The following MND1 variants were observed in gnomAD, a reference collection of about 807,000 sequenced individuals.
MND1 encodes meiotic nuclear divisions 1.
In MND1, 28 loss-of-function variants were observed where a neutral mutation model predicts 35.1. The observed-to-expected ratio is 0.80, with a 90% CI of 0.59 to 1.09. MND1 has a LOEUF of 1.09. Ranked by LOEUF, MND1 falls within the 50% of genes least tolerant of loss-of-function variation. MND1 has a pLI of 0.00. For synonymous variants in MND1, 69 were observed against 70.5 expected (o/e 0.98, Z 0.11); for missense variants, 213 against 239.6 (o/e 0.89, Z 0.73).
At chr4:153,370,732 C>G (rs1435517360) in intron 4 of MND1, among the ~76,000 whole-genome samples, 1 of 151,984 alleles carries the variant, frequency 6.6e-6, no homozygotes, top group Non-Finnish European at 1.5e-5. Context: ...GTTGGCCAGG[C>G]TGGCCTTGAA....
Position 153,408,958 on chromosome 4 carries a change from A to ATATAT in MND1, c.467-13_467-12insTATAT. ...TAAATACATTTCATTTTATATATAT[A>ATATAT]ATTTTTTTTCAGGCCAAGCAAATAA... On this transcript the variant is annotated splice_polypyrimidine_tract_variant and intron_variant, in intron 6 of 7. Transcript: ENST00000240488. The ATATAT allele has an allele frequency of 1.3e-5, 15 of 1,192,046 alleles. No homozygotes were observed. Among genetic ancestry groups the ATATAT allele is most frequent in the Non-Finnish European group, 1.6e-5 (15 of 922,204 alleles). The allele number at this position is 1,192,046 out of a possible 1,614,324, so 73.8% of individuals were successfully genotyped here.
At chr4:153,356,561 A>AG (rs1237439266) in intron 3 of MND1, among the ~76,000 whole-genome samples, 8 of 146,374 alleles carry the variant, frequency 5.5e-5, no homozygotes, top group African/African-American at 8.0e-5. Context: ...TCAAAAAAAA[A>AG]AAAAAAAAAA....
At chr4:153,390,474 C>G (rs1277979456) in intron 4 of MND1, among the ~76,000 whole-genome samples, 1 of 152,114 alleles carries the variant, frequency 6.6e-6, no homozygotes, top group Non-Finnish European at 1.5e-5. Context: ...TGAATGAGCT[C>G]TCTTTCAAAT....
In MND1 at chr4:153,394,321, T is replaced by C. The variant is rs1219759646; in HGVS notation, c.336T>C (p.Ile112=). 2 of 1,612,174 alleles carry C rather than the reference T, an allele frequency of 1.2e-6. No individual in the cohort carries two copies. Among genetic ancestry groups the C allele is most frequent in the East Asian group, 2.2e-5 (1 of 44,806 alleles). Residue 112 remains isoleucine (I), a synonymous_variant, in exon 5 of 8, where the codon ATT becomes ATC. Coordinates refer to ENST00000240488, the MANE Select transcript of MND1 (RefSeq NM_032117.4). ...AGAAAAGCATTGAGAAAGCTAAAAT[T>C]GGCCGATGTGAAACGGTAAGTTTGT... ...SLQKSIEKAK[I]GRCETEERTR...
In MND1 at chr4:153,398,351, G is replaced by C. The variant is rs147444251; in HGVS notation, c.466+1018G>C. On this transcript the variant is annotated intron_variant, in intron 6 of 7. Transcript: ENST00000240488. The stretch of plus-strand genomic sequence containing the variant: ...CTGATATTATAGTGTGTGATAGAAG[G>C]CTTTGAAAGAAATGGAAAATATTTG... Among the ~76,000 whole-genome samples the C allele has an allele frequency of 6.6e-3, 999 of 152,264 alleles. 9 individuals carry two copies. Among genetic ancestry groups the C allele is most frequent in the African/African-American group, 0.023 (948 of 41,564 alleles).
chr4:153,415,039 A>G lies in MND1; in HGVS notation c.*182A>G, dbSNP rs926593722. 4 of 374,204 alleles carry G rather than the reference A, an allele frequency of 1.1e-5. No homozygotes were observed. Among genetic ancestry groups the G allele is most frequent in the African/African-American group, 8.4e-5 (4 of 47,748 alleles). The allele number at this position is 374,204 out of a possible 1,614,324, so 23.2% of individuals were successfully genotyped here. On this transcript the variant is annotated 3_prime_UTR_variant, in exon 8 of 8. Transcript: ENST00000240488. ...TTGGTAGAACAAAAGCAGGATGATA[A>G]CCATATCCCCCCAGTGCTCATCAAA...
chr4:153,377,766 CT>C (rs1728552051), intron 4 of MND1, among the ~76,000 whole-genome samples: 1 of 152,164 alleles, frequency 6.6e-6, no homozygotes, highest in South Asian at 2.1e-4. Context: ...GGAGTAGACT[CT>C]AGACCTAGAC....
chr4:153,405,878 C>T (rs1277095570), intron 6 of MND1, among the ~76,000 whole-genome samples: 3 of 152,120 alleles, frequency 2.0e-5, no homozygotes, highest in African/African-American at 7.2e-5. Context: ...GATCTTGGCT[C>T]ACTGCAGGCT....
intron 4 of MND1, among the ~76,000 whole-genome samples, chr4:153,388,886 GACAGA>G (rs1268676216): frequency 6.6e-6 from 1 of 152,168 alleles, no homozygotes; most frequent in African/African-American, 2.4e-5. Flanking sequence ...TTCACTGAGC[GACAGA>G]ACAGGTCTCA....
At chr4:153,360,339 AT>A (rs1773450889) in intron 4 of MND1, among the ~76,000 whole-genome samples, 1 of 152,052 alleles carries the variant, frequency 6.6e-6, no homozygotes, top group Admixed American at 6.5e-5. Flanking sequence ...CAACTGGTCA[AT>A]TTTTTTCTTT....
At chr4:153,381,583 C>A (rs1342206747) in intron 4 of MND1, 2 of 138,160 alleles carry the variant, frequency 1.4e-5, no homozygotes, top group Non-Finnish European at 3.0e-5. Context: ...TTTGCTGCCC[C>A]CAAAGCATAT....
chr4:153,378,795 C>A (rs1457778154), intron 4 of MND1, among the ~76,000 whole-genome samples: 1 of 152,164 alleles, frequency 6.6e-6, no homozygotes, highest in African/African-American at 2.4e-5. Context: ...ATTAAATATA[C>A]CTGTATGGAG....
intron 2 of MND1, among the ~76,000 whole-genome samples, chr4:153,353,404 C>CATATATATATATATATAT (rs58280101): frequency 2.4e-5 from 2 of 81,942 alleles, no homozygotes; most frequent in Non-Finnish European, 4.9e-5. Flanking sequence ...GACTTTATCA[C>CATATATATATATATATAT]ATATATATAT....
At chr4:153,352,119 G>A (rs1773229534) in intron 2 of MND1, among the ~76,000 whole-genome samples, 1 of 152,126 alleles carries the variant, frequency 6.6e-6, no homozygotes, top group Non-Finnish European at 1.5e-5. Context: ...CACAAAATAG[G>A]CCACCAATAA....
intron 6 of MND1, among the ~76,000 whole-genome samples, chr4:153,406,783 C>T (rs1393389763): frequency 2.0e-5 from 3 of 152,172 alleles, no homozygotes; most frequent in African/African-American, 7.2e-5. Flanking sequence ...CTTCACACTT[C>T]TATTAGTCTG....
At chr4:153,412,605 T>C (rs10023524) in intron 7 of MND1, among the ~76,000 whole-genome samples, 41,543 of 149,024 alleles carry the variant, frequency 0.28, 6,441 homozygotes, top group African/African-American at 0.43. Context: ...GCCTCAGCCT[T>C]CCGAGTAGCT....
intron 4 of MND1, among the ~76,000 whole-genome samples, chr4:153,380,097 T>C (rs561997135): frequency 2.3e-4 from 34 of 148,886 alleles, no homozygotes; most frequent in African/African-American, 7.7e-4. Context: ...CATTCAAAAC[T>C]AATTACTGTG....
chr4:153,414,641 GAT>G, intron 7 of MND1, 108 bp from the exon 8 acceptor site: 1 of 494,034 alleles, frequency 2.0e-6, no homozygotes. Flanking sequence ...TCCTTATTTT[GAT>G]ATATCTGAAA....
intron 4 of MND1, among the ~76,000 whole-genome samples, chr4:153,371,787 C>T (rs938144488): frequency 1.3e-5 from 2 of 152,066 alleles, no homozygotes; most frequent in Admixed American, 1.3e-4. Flanking sequence ...GAACTTTTCC[C>T]TTGCACTCAC....
Sources: gnomAD v4.1 joint callset for allele counts (sites outside exome capture counted in the v4.1 genomes callset) on GRCh38, gnomAD v4.1.1 for gene constraint, MANE v1.5 for transcripts, NCBI Gene and HGNC (gene_info 2026-07-23, HGNC 2026-07-21) for gene names.